The following VDR variants were observed in gnomAD, a reference collection of about 807,000 sequenced individuals.
VDR encodes vitamin D receptor.
VDR carries 19 observed loss-of-function variants against 39.7 expected under a neutral mutation model. The observed-to-expected ratio is 0.48, with a 90% confidence interval of 0.33 to 0.70. The LOEUF is 0.70. Among genes scored for constraint, VDR ranks in the 30% least tolerant of loss-of-function variants. The pLI, the probability that VDR is intolerant of heterozygous loss-of-function variation, is 0.02. For missense variants in VDR, 442 were observed against 570.5 expected (o/e 0.77, Z 2.29); for synonymous variants, 242 against 215.8 (o/e 1.12, Z -1.07).
chr12:47,846,735 C>A lies in VDR; in HGVS notation c.829G>T (p.Glu277Ter). 6.2e-7 allele frequency: 1 copy of A among 1,614,172 alleles called. No homozygotes were observed. Among genetic ancestry groups the A allele is most frequent in the Non-Finnish European group, 8.5e-7 (1 of 1,180,044 alleles). Residue 277 changes from glutamate to a stop codon, truncating the protein, a stop_gained, in exon 8 of 10, where the codon GAG becomes TAG. Coordinates refer to ENST00000549336, the MANE Select transcript of VDR (RefSeq NM_000376.3). LOFTEE classifies it high-confidence loss of function. The stretch of plus-strand genomic sequence containing the variant: ...GACATGTCGTCCATGGTGAAGGACT[C>A]ATTGGAGCGCAACATGATGACCTCA... Reference protein sequence around the residue: ...AIEVIMLRSNESFTMDDMSWT... With the variant: ...AIEVIMLRSN
intron 3 of VDR, among the ~76,000 whole-genome samples, chr12:47,871,678 T>A (rs2137183740): frequency 1.3e-5 from 2 of 152,266 alleles, no homozygotes; most frequent in South Asian, 4.1e-4. Flanking sequence ...TTGGCCAGAC[T>A]GGTCTCGAAC....
rs1342208594 is a variant in VDR, at chr12:47,842,687, G to A, written c.*2059C>T. The A allele has an allele frequency of 6.8e-6, 1 of 146,884 alleles. No homozygotes were observed. The allele number at this position is 146,884 out of a possible 1,614,324, so 9.1% of individuals were successfully genotyped here. On this transcript the variant is annotated 3_prime_UTR_variant, in exon 10 of 10. Transcript: ENST00000549336. ...GGGTTTCTCCATGTTGGTCAGGTTG[G>A]TCTCGAACTCCCGACCTCAGGTGAT...
At chr12:47,848,340 C>T (rs1945318936) in intron 7 of VDR, among the ~76,000 whole-genome samples, 1 of 151,944 alleles carries the variant, frequency 6.6e-6, no homozygotes, top group Admixed American at 6.6e-5. Context: ...CATCACCACG[C>T]CTTTCAGCAT....
intron 7 of VDR, among the ~76,000 whole-genome samples, chr12:47,850,570 G>A (rs1017881568): frequency 5.9e-5 from 9 of 152,112 alleles, no homozygotes; most frequent in South Asian, 4.2e-4. Context: ...AACCCAAAAC[G>A]ACCCCAAATG....
At chr12:47,901,787 G>A (rs1466368377) in intron 1 of VDR, among the ~76,000 whole-genome samples, 1 of 152,188 alleles carries the variant, frequency 6.6e-6, no homozygotes, top group Non-Finnish European at 1.5e-5. Context: ...ATTTCCCCAG[G>A]GGAAGCTGAA....
Position 47,842,217 on chromosome 12 carries a change from C to G in VDR, c.*2529G>C, listed in dbSNP as rs771839812. 1 of 152,488 alleles carries G rather than the reference C, an allele frequency of 6.6e-6. No individual in the cohort carries two copies. Among genetic ancestry groups the G allele is most frequent in the Non-Finnish European group, 1.5e-5 (1 of 68,160 alleles). The allele number at this position is 152,488 out of a possible 1,614,324, so 9.4% of individuals were successfully genotyped here. A position where few individuals can be genotyped will look rare whatever the true frequency, so the allele number is the denominator to read the frequency against. ...AGAGCCCAGCAGGCCAGGGCCACAT[C>G]GTGGTGGGGTAGGGTCTGATTCACA... On this transcript the variant is annotated 3_prime_UTR_variant, in exon 10 of 10. Transcript: ENST00000549336.
intron 1 of VDR, among the ~76,000 whole-genome samples, chr12:47,885,763 C>T (rs1946241742): frequency 6.6e-6 from 1 of 152,234 alleles, no homozygotes; most frequent in Admixed American, 6.5e-5. Context: ...GTTGCACAAT[C>T]ACAGCTCACT....
At chr12:47,890,365 G>A (rs2853565) in intron 1 of VDR, among the ~76,000 whole-genome samples, 81,792 of 143,132 alleles carry the variant, frequency 0.57, 24,620 homozygotes, top group African/African-American at 0.76. Flanking sequence ...TATTATGTAT[G>A]TAATATATAT....
At chr12:47,880,086 C>T (rs186966633) in intron 2 of VDR, among the ~76,000 whole-genome samples, 147 of 152,266 alleles carry the variant, frequency 9.7e-4, no homozygotes, top group African/African-American at 3.1e-3. Context: ...CCCTGAAATG[C>T]TTTCAGACCC....
chr12:47,844,653 G>A lies in VDR; in HGVS notation c.*93C>T. 1.9e-6 allele frequency: 3 copies of A among 1,571,016 alleles called. No homozygotes were observed. The highest frequency in any genetic ancestry group is 2.6e-6 in the Non-Finnish European group (3 of 1,151,830). ...GAGGAGGGGCTGAACCCCAGACGGG[G>A]TGAGGAGGGCTGCTGAGTAGCCGCC... On this transcript the variant is annotated 3_prime_UTR_variant, in exon 10 of 10. Coordinates refer to ENST00000549336, the MANE Select transcript of VDR (RefSeq NM_000376.3).
chr12:47,904,080 G>A (rs755618024), intron 1 of VDR, among the ~76,000 whole-genome samples: 3 of 147,068 alleles, frequency 2.0e-5, no homozygotes, highest in Non-Finnish European at 3.0e-5. Flanking sequence ...CTCACCGCAC[G>A]CATAGAGGAG....
chr12:47,874,558 C>A (rs1164028922), intron 3 of VDR, among the ~76,000 whole-genome samples: 1 of 152,214 alleles, frequency 6.6e-6, no homozygotes, highest in Admixed American at 6.5e-5. Context: ...CCTCAAGAAC[C>A]TTGGAGCTAG....
Position 47,843,740 on chromosome 12 carries a change from A to C in VDR, c.*1006T>G, listed in dbSNP as rs1945215393. 2 of 152,270 alleles carry C rather than the reference A, an allele frequency of 1.3e-5. No individual in the cohort carries two copies. Among genetic ancestry groups the C allele is most frequent in the Non-Finnish European group, 2.9e-5 (2 of 68,020 alleles). 9.4% of individuals were successfully genotyped at this position (152,270 alleles called of 1,614,324 possible). A position where few individuals can be genotyped will look rare whatever the true frequency, so the allele number is the denominator to read the frequency against. On this transcript the variant is annotated 3_prime_UTR_variant, in exon 10 of 10. Transcript: ENST00000549336. ...GTGGGTGAACAGCGGCCTTGCAACCACATTGAGGCGGCAGGGAGATCATGA... is the reference window on the plus strand; with the variant it reads ...GTGGGTGAACAGCGGCCTTGCAACCCCATTGAGGCGGCAGGGAGATCATGA...
chr12:47,870,500 G>A (rs965002756), intron 3 of VDR, among the ~76,000 whole-genome samples: 6 of 152,196 alleles, frequency 3.9e-5, no homozygotes, highest in African/African-American at 1.2e-4. Context: ...GGGCAACCAA[G>A]CTAAATATAG....
At chr12:47,875,642 A>G (rs958155525) in intron 3 of VDR, among the ~76,000 whole-genome samples, 3 of 152,238 alleles carry the variant, frequency 2.0e-5, no homozygotes, top group Non-Finnish European at 4.4e-5. Context: ...ATGTATGTAT[A>G]GCTGATTCTC....
rs755911322 is a variant in VDR at position 47,844,567 on chromosome 12, G to A, written c.*179C>T. ...GTCTCAAGGGACCGGGGAAAAGCCC[G>A]CAGGAAAGGGGTTAGGTTGGACAGG... On this transcript the variant is annotated 3_prime_UTR_variant, in exon 10 of 10. Transcript: ENST00000549336. The A allele has an allele frequency of 1.3e-5, 11 of 827,738 alleles. No homozygotes were observed. The highest frequency in any genetic ancestry group is 1.1e-4 in the East Asian group (4 of 37,664). 51.3% of individuals were successfully genotyped at this position (827,738 alleles called of 1,614,324 possible).
intron 3 of VDR, among the ~76,000 whole-genome samples, chr12:47,866,066 T>A (rs538057174): frequency 1.3e-4 from 20 of 151,706 alleles, no homozygotes; most frequent in Admixed American, 1.1e-3. Context: ...CTTCCCATTT[T>A]AAAAAATTAA....
chr12:47,882,580 C>A lies in VDR; in HGVS notation c.-3+114G>T. On this transcript the variant is annotated intron_variant, in intron 2 of 9. Transcript: ENST00000549336. ...TGGCCCGGGACCCACCTTGCAAAATCCTGGGTGGTATCCCTTCCTTCCCCT... is the reference window on the plus strand; with the variant it reads ...TGGCCCGGGACCCACCTTGCAAAATACTGGGTGGTATCCCTTCCTTCCCCT... The A allele has an allele frequency of 6.5e-6, 6 of 923,686 alleles. No homozygotes were observed. The South Asian group carries it at 8.9e-5, about 14-fold the overall frequency. The allele number at this position is 923,686 out of a possible 1,614,324, so 57.2% of individuals were successfully genotyped here. A position where few individuals can be genotyped will look rare whatever the true frequency, so the allele number is the denominator to read the frequency against.
Position 47,843,725 on chromosome 12 carries a change from AG to A in VDR, c.*1020del, listed in dbSNP as rs902527363. 7.2e-5 allele frequency: 11 copies of A among 152,284 alleles called. No homozygotes were observed. The highest frequency in any genetic ancestry group is 2.2e-4 in the African/African-American group (9 of 41,408). 9.4% of individuals were successfully genotyped at this position (152,284 alleles called of 1,614,324 possible). A position where few individuals can be genotyped will look rare whatever the true frequency, so the allele number is the denominator to read the frequency against. On this transcript the variant is annotated 3_prime_UTR_variant, in exon 10 of 10. Transcript: ENST00000549336. Reference sequence around the variant, plus strand: ...CTAGCTCTTAGCCCTGTGGGTGAACAGCGGCCTTGCAACCACATTGAGGCGG... The same window carrying A: ...CTAGCTCTTAGCCCTGTGGGTGAACACGGCCTTGCAACCACATTGAGGCGG...
Sources: gnomAD v4.1 joint callset for allele counts (sites outside exome capture counted in the v4.1 genomes callset) on GRCh38, gnomAD v4.1.1 for gene constraint, MANE v1.5 for transcripts, NCBI Gene and HGNC (gene_info 2026-07-23, HGNC 2026-07-21) for gene names.